Variants in SYNDIG1L observed in about 807,000 individuals in gnomAD.
The protein encoded by SYNDIG1L is synapse differentiation inducing 1 like, also known as synapse differentiation-inducing gene protein 1-like.
A neutral mutation model predicts 20.1 loss-of-function variants in SYNDIG1L; 13 were observed. The ratio of observed to expected loss-of-function variants is 0.65; its 90% confidence interval spans 0.42 to 1.03. The LOEUF (loss-of-function observed/expected upper bound fraction) is 1.03, where lower values mean the gene tolerates loss of function less well. SYNDIG1L is among the 50% of genes least tolerant of loss of function. The probability of loss-of-function intolerance (pLI) is 0.00; values close to 1 mark genes in which losing one functional copy is unlikely to be tolerated. For missense variants in SYNDIG1L, 294 were observed against 305.1 expected, an observed-to-expected ratio of 0.96 and a Z score of 0.27; for synonymous variants, 128 against 129.3, an observed-to-expected ratio of 0.99 and a Z score of 0.07.
chr14:74,460,612 T>G, the SYNDIG1L span, among the ~76,000 whole-genome samples: 1 of 152,154 alleles, frequency 6.6e-6, no homozygotes, highest in South Asian at 2.1e-4. Context: ...CTTCCTGTTT[T>G]CCCTTCCATC....
chr14:74,438,383 T>A, the SYNDIG1L span, among the ~76,000 whole-genome samples: 1 of 152,174 alleles, frequency 6.6e-6, no homozygotes, highest in Admixed American at 6.5e-5. Flanking sequence ...CCTGTAAAAA[T>A]TCCTGCGATT....
chr14:74,461,237 C>T, the SYNDIG1L span, among the ~76,000 whole-genome samples: 6 of 152,272 alleles, frequency 3.9e-5, no homozygotes, highest in East Asian at 1.9e-4. Flanking sequence ...CGTGAGCCAC[C>T]GCGCCCGTCC....
chr14:74,436,867 A>AT, the SYNDIG1L span, among the ~76,000 whole-genome samples: 1 of 150,844 alleles, frequency 6.6e-6, no homozygotes, highest in Non-Finnish European at 1.5e-5. Flanking sequence ...AAAAAAAAAA[A>AT]AGCTCAGCTC....
the SYNDIG1L span, among the ~76,000 whole-genome samples, chr14:74,456,571 A>C: frequency 6.6e-6 from 1 of 152,120 alleles, no homozygotes; most frequent in Non-Finnish European, 1.5e-5. Flanking sequence ...AAATAAAATA[A>C]AGATCCTTTT....
At chr14:74,457,155 C>T in the SYNDIG1L span, among the ~76,000 whole-genome samples, 17 of 152,096 alleles carry the variant, frequency 1.1e-4, 1 homozygote, top group South Asian at 4.1e-4. Context: ...GGACCCCAGG[C>T]GACCTCAGAA....
chr14:74,475,139 ACAAATGCATGG>A, the SYNDIG1L span, among the ~76,000 whole-genome samples: 1 of 152,098 alleles, frequency 6.6e-6, no homozygotes, highest in Non-Finnish European at 1.5e-5. Flanking sequence ...AATTTGGAAG[ACAAATGCATGG>A]CAAATGCCTA....
the SYNDIG1L span, among the ~76,000 whole-genome samples, chr14:74,457,283 C>G: frequency 5.3e-5 from 8 of 152,110 alleles, no homozygotes; most frequent in South Asian, 4.1e-4. Context: ...TCCTTTCCCA[C>G]AGCCCTTGCC....
chr14:74,417,610 G>A (rs2086186681), intron 1 of SYNDIG1L, among the ~76,000 whole-genome samples: 1 of 150,046 alleles, frequency 6.7e-6, no homozygotes, highest in Non-Finnish European at 1.5e-5. Flanking sequence ...TGAGGAAACT[G>A]AGGCTCAGAA....
the SYNDIG1L span, among the ~76,000 whole-genome samples, chr14:74,457,673 G>C: frequency 1.3e-5 from 2 of 152,030 alleles, no homozygotes; most frequent in African/African-American, 4.8e-5. Flanking sequence ...TTATCCTATA[G>C]AAGGGGGGCA....
chr14:74,460,989 G>C, the SYNDIG1L span, among the ~76,000 whole-genome samples: 1 of 151,352 alleles, frequency 6.6e-6, no homozygotes, highest in East Asian at 2.0e-4. Context: ...CATCTCCGTG[G>C]CCCCCTTGTC....
At chr14:74,449,561 A>C in the SYNDIG1L span, among the ~76,000 whole-genome samples, 1 of 148,680 alleles carries the variant, frequency 6.7e-6, no homozygotes, top group African/African-American at 2.5e-5. Flanking sequence ...GCAGTGAGCT[A>C]TGATTGTGCC....
upstream of SYNDIG1L, among the ~76,000 whole-genome samples, chr14:74,428,061 A>G (rs552034821): frequency 3.9e-4 from 59 of 152,382 alleles, no homozygotes; most frequent in African/African-American, 1.3e-3. Flanking sequence ...GGGAAAACTC[A>G]AAGAGAGGCT....
At chr14:74,417,821 T>G (rs1347951754) in intron 1 of SYNDIG1L, among the ~76,000 whole-genome samples, 1 of 152,056 alleles carries the variant, frequency 6.6e-6, no homozygotes, top group Non-Finnish European at 1.5e-5. Context: ...GAGTCTTAAG[T>G]GACAGGAATG....
At chr14:74,462,549 G>A in the SYNDIG1L span, among the ~76,000 whole-genome samples, 1 of 151,140 alleles carries the variant, frequency 6.6e-6, no homozygotes, top group Non-Finnish European at 1.5e-5. Context: ...TTAAATGCCC[G>A]GGCTGGAGTG....
the SYNDIG1L span, among the ~76,000 whole-genome samples, chr14:74,447,387 C>T: frequency 5.3e-5 from 8 of 152,010 alleles, no homozygotes; most frequent in Non-Finnish European, 8.8e-5. Context: ...GTCAGGAGTT[C>T]GAGACCCTGG....
In SYNDIG1L at chr14:74,409,689, A is replaced by G. The variant is rs2086115455; in HGVS notation, c.56T>C (p.Leu19Pro). Residue 19 changes from leucine (L) to proline (P), a missense_variant, in exon 2 of 4, where the codon CTC (leucine) becomes CCC (proline). Transcript: ENST00000331628. Reference sequence around the variant, plus strand: ...CTCCGGGTAGGGATAGGGGCCATGGAGATGGGCAGGGCTCCTGGGCAGCAG... The same window carrying G: ...CTCCGGGTAGGGATAGGGGCCATGGGGATGGGCAGGGCTCCTGGGCAGCAG... ...NPLLPRSPAH[L>P]HGPYPYPETP... 3 of 1,477,138 alleles carry G rather than the reference A, an allele frequency of 2.0e-6. No individual in the cohort carries two copies. In the African/African-American group the frequency reaches 4.3e-5, roughly 21 times the overall value. The allele number at this position is 1,477,138 out of a possible 1,614,324, so 91.5% of individuals were successfully genotyped here. A position where few individuals can be genotyped will look rare whatever the true frequency, so the allele number is the denominator to read the frequency against.
At chr14:74,470,436 G>A in the SYNDIG1L span, among the ~76,000 whole-genome samples, 8 of 152,196 alleles carry the variant, frequency 5.3e-5, no homozygotes, top group Non-Finnish European at 1.0e-4. Flanking sequence ...GACTGCAGAA[G>A]CAACCTCACT....
At chr14:74,446,603 G>A in the SYNDIG1L span, among the ~76,000 whole-genome samples, 1 of 145,854 alleles carries the variant, frequency 6.9e-6, no homozygotes, top group Admixed American at 6.9e-5. Flanking sequence ...ACAAAACCCA[G>A]TTATGTGCTG....
At chr14:74,429,034 T>C (rs2086285763), upstream of SYNDIG1L, among the ~76,000 whole-genome samples, 1 of 152,200 alleles carries the variant, frequency 6.6e-6, no homozygotes, top group South Asian at 2.1e-4. Flanking sequence ...CACTCTCTCT[T>C]TTTTTAAAAT....
Sources: gnomAD v4.1 joint callset for allele counts (sites outside exome capture counted in the v4.1 genomes callset) on GRCh38, gnomAD v4.1.1 for gene constraint, MANE v1.5 for transcripts, NCBI Gene and HGNC (gene_info 2026-07-23, HGNC 2026-07-21) for gene names.